STAG1: variants seen among roughly 807,000 people sequenced by gnomAD.
STAG1 encodes the protein STAG1 cohesin complex component, also known as cohesin subunit SA-1.
STAG1 carries 26 observed loss-of-function variants against 170.9 expected under a neutral mutation model. The ratio of observed to expected loss-of-function variants is 0.15; its 90% CI spans 0.11 to 0.21. The LOEUF (loss-of-function observed/expected upper bound fraction) is 0.21. Among genes scored for constraint, STAG1 ranks in the 10% least tolerant of loss-of-function variants. The pLI, the probability that STAG1 is intolerant of heterozygous loss-of-function variation, is 1.00. For synonymous variants in STAG1, 514 were observed against 497.7 expected (o/e 1.03, Z -0.44); for missense variants, 964 against 1,509.5 (o/e 0.64, Z 5.99).
chr3:136,605,683 T>C (rs1303176100), intron 3 of STAG1, among the ~76,000 whole-genome samples: 1 of 152,210 alleles, frequency 6.6e-6, no homozygotes, highest in Non-Finnish European at 1.5e-5. Flanking sequence ...ACTTACCAAT[T>C]TATGGTCTCT....
intron 1 of STAG1, among the ~76,000 whole-genome samples, chr3:136,749,930 T>A (rs1935141990): frequency 6.8e-6 from 1 of 146,990 alleles, no homozygotes. Context: ...AGAAAGAAAC[T>A]AATATACCCC....
chr3:136,623,452 A>T (rs991366603), intron 2 of STAG1, among the ~76,000 whole-genome samples: 1 of 152,206 alleles, frequency 6.6e-6, no homozygotes, highest in Non-Finnish European at 1.5e-5. Flanking sequence ...CCAAATAAAG[A>T]GGGAAATGAA....
chr3:136,528,548 T>A lies in STAG1; in HGVS notation c.472-7131A>T, dbSNP rs532835228. On this transcript the variant is annotated intron_variant, in intron 6 of 33. Transcript: ENST00000383202. The stretch of plus-strand genomic sequence containing the variant: ...TGGAAAAGGAATCCAAATTATTTAT[T>A]CTAAAGAAGCTCAGTGAGATACAAC... Among the ~76,000 whole-genome samples the A allele has an allele frequency of 1.8e-4, 26 of 144,058 alleles. No individual in the cohort carries two copies. The East Asian group carries it at 5.2e-3, about 29-fold the overall frequency. The allele number at this position is 144,058 out of a possible 152,430, so 94.5% of individuals were successfully genotyped here. A position where few individuals can be genotyped will look rare whatever the true frequency, so the allele number is the denominator to read the frequency against.
At chr3:136,590,752 T>C (rs566471111) in intron 4 of STAG1, among the ~76,000 whole-genome samples, 13 of 152,308 alleles carry the variant, frequency 8.5e-5, no homozygotes, top group Admixed American at 2.0e-4. Flanking sequence ...TCAATGATGA[T>C]AGCTTTATAA....
intron 1 of STAG1, among the ~76,000 whole-genome samples, chr3:136,708,466 T>C (rs868614144): frequency 4.6e-5 from 7 of 151,646 alleles, no homozygotes; most frequent in African/African-American, 1.7e-4. Context: ...GGGGGGAGGG[T>C]GTCAAGGAAA....
rs1934881403 is a variant in STAG1, at chr3:136,745,357, T to C, written c.-84+6838A>G. Among the ~76,000 whole-genome samples, 5 of 152,198 alleles carry C rather than the reference T, an allele frequency of 3.3e-5. No individual in the cohort carries two copies. In the South Asian group the frequency reaches 1.0e-3, roughly 32 times the overall value. On this transcript the variant is annotated intron_variant, in intron 1 of 33. Coordinates refer to ENST00000383202, the MANE Select transcript of STAG1 (RefSeq NM_005862.3). ...GGGGCAGGGAAGAAGGCAAGATTTA[T>C]GACATCCTTCACTACTGACTGGCAA... is the stretch of plus-strand genomic sequence containing the variant.
At chr3:136,606,800 G>A (rs1576659594) in intron 3 of STAG1, among the ~76,000 whole-genome samples, 2 of 145,864 alleles carry the variant, frequency 1.4e-5, no homozygotes. Context: ...CCAGGCTAAC[G>A]TGCAATGGCG....
intron 5 of STAG1, among the ~76,000 whole-genome samples, chr3:136,553,688 C>A (rs1936497883): frequency 6.6e-6 from 1 of 152,184 alleles, no homozygotes. Context: ...GCAGGGGAAT[C>A]GCTTGAACCC....
chr3:136,666,555 C>T (rs1241352938), intron 1 of STAG1, among the ~76,000 whole-genome samples: 2 of 152,120 alleles, frequency 1.3e-5, no homozygotes, highest in African/African-American at 2.4e-5. Context: ...CGGTGGCTCA[C>T]GCCTGTAATC....
chr3:136,375,286 C>T (rs1045273505), intron 23 of STAG1, among the ~76,000 whole-genome samples: 2 of 152,092 alleles, frequency 1.3e-5, no homozygotes, highest in Non-Finnish European at 2.9e-5. Flanking sequence ...AGGTATGCTG[C>T]CAAATTTGCC....
intron 22 of STAG1, among the ~76,000 whole-genome samples, chr3:136,392,936 GTATTT>G (rs2087051687): frequency 1.3e-5 from 2 of 151,936 alleles, no homozygotes; most frequent in African/African-American, 4.8e-5. Flanking sequence ...ACTCTACCTT[GTATTT>G]TATAACAAAA....
chr3:136,424,569 G>A (rs1440418052), intron 16 of STAG1, among the ~76,000 whole-genome samples: 7 of 152,148 alleles, frequency 4.6e-5, no homozygotes, highest in African/African-American at 1.4e-4. Flanking sequence ...CTGACCGCAA[G>A]TGATCCGCCC....
At chr3:136,713,880 G>A (rs1232820426) in intron 1 of STAG1, among the ~76,000 whole-genome samples, 1 of 151,860 alleles carries the variant, frequency 6.6e-6, no homozygotes, top group African/African-American at 2.4e-5. Context: ...AAAATTAGCT[G>A]GGCATGGTGG....
chr3:136,710,599 G>T (rs537472268), intron 1 of STAG1, among the ~76,000 whole-genome samples: 53 of 152,134 alleles, frequency 3.5e-4, no homozygotes, highest in African/African-American at 1.2e-3. Context: ...ATTTCACTTC[G>T]ATGTTGGTTT....
At chr3:136,524,984 A>G (rs537059674) in intron 6 of STAG1, among the ~76,000 whole-genome samples, 5 of 152,226 alleles carry the variant, frequency 3.3e-5, no homozygotes, top group Non-Finnish European at 7.4e-5. Context: ...ATGTGCTGCC[A>G]GATTCAGTTT....
At chr3:136,557,926 T>C (rs1465653802) in intron 5 of STAG1, among the ~76,000 whole-genome samples, 2 of 152,194 alleles carry the variant, frequency 1.3e-5, no homozygotes, top group Non-Finnish European at 2.9e-5. Flanking sequence ...CTCATGTTCA[T>C]TCATTCTTTC....
At chr3:136,598,422 CT>C (rs1164174284) in intron 4 of STAG1, among the ~76,000 whole-genome samples, 1,725 of 145,844 alleles carry the variant, frequency 0.012, 26 homozygotes, top group African/African-American at 0.039. Context: ...TTAATACAAC[CT>C]TTTTTTTTTT....
At chr3:136,603,301 C>T (rs1418976509) in intron 4 of STAG1, among the ~76,000 whole-genome samples, 1 of 151,892 alleles carries the variant, frequency 6.6e-6, no homozygotes, top group African/African-American at 2.4e-5. Flanking sequence ...AAGCAATTCT[C>T]CTGTACACTT....
intron 1 of STAG1, among the ~76,000 whole-genome samples, chr3:136,661,360 T>C (rs1941571768): frequency 6.6e-6 from 1 of 152,144 alleles, no homozygotes; most frequent in Non-Finnish European, 1.5e-5. Flanking sequence ...TCAAAGTGCT[T>C]CAAAATCCAA....
Sources: gnomAD v4.1 joint callset for allele counts (sites outside exome capture counted in the v4.1 genomes callset) on GRCh38, gnomAD v4.1.1 for gene constraint, MANE v1.5 for transcripts, NCBI Gene and HGNC (gene_info 2026-07-23, HGNC 2026-07-21) for gene names.